The following SCLT1 variants were observed in gnomAD, a reference collection of about 807,000 sequenced individuals.
SCLT1 encodes the protein sodium channel-associated protein 1.
In SCLT1, 78 loss-of-function variants were observed where a neutral mutation model predicts 112.8. The observed-to-expected ratio is 0.69, with a 90% confidence interval of 0.58 to 0.83. The LOEUF is 0.83. SCLT1 is among the 40% of genes least tolerant of loss of function. SCLT1 has a pLI of 0.00. For missense variants in SCLT1, 747 were observed against 770.4 expected, an observed-to-expected ratio of 0.97 and a Z score of 0.36; for synonymous variants, 257 against 254.7, an observed-to-expected ratio of 1.01 and a Z score of -0.09.
intron 20 of SCLT1, among the ~76,000 whole-genome samples, chr4:128,885,958 G>A (rs537990693): frequency 6.6e-6 from 1 of 151,498 alleles, no homozygotes; most frequent in South Asian, 2.1e-4. Flanking sequence ...CCGGACTGTG[G>A]CATTTTTTGA....
chr4:128,964,589 T>C (rs546856802), intron 11 of SCLT1, among the ~76,000 whole-genome samples: 2 of 152,308 alleles, frequency 1.3e-5, no homozygotes, highest in Admixed American at 1.3e-4. Context: ...ATCCTTTTTG[T>C]AGGATTTATG....
At chr4:128,961,187 A>C (rs1437315192) in intron 11 of SCLT1, among the ~76,000 whole-genome samples, 1 of 151,926 alleles carries the variant, frequency 6.6e-6, no homozygotes, top group Non-Finnish European at 1.5e-5. Flanking sequence ...ATTTCCTCCA[A>C]ATATTTCCAT....
intron 5 of SCLT1, among the ~76,000 whole-genome samples, chr4:129,025,715 C>T (rs1240244892): frequency 7.9e-5 from 12 of 151,944 alleles, no homozygotes; most frequent in Non-Finnish European, 7.4e-5. Flanking sequence ...ACTTTAAATG[C>T]AAATGGACTA....
At chr4:128,935,808 C>T (rs1328073474) in intron 18 of SCLT1, among the ~76,000 whole-genome samples, 1 of 152,114 alleles carries the variant, frequency 6.6e-6, no homozygotes. Flanking sequence ...GTTTCCATCT[C>T]TCTATCCTCT....
intron 1 of SCLT1, among the ~76,000 whole-genome samples, chr4:129,091,751 G>A (rs1230298246): frequency 6.6e-6 from 1 of 152,088 alleles, no homozygotes; most frequent in African/African-American, 2.4e-5. Context: ...AACTTCAAGA[G>A]GATTCTTGTG....
intron 8 of SCLT1, 106 bp from the exon 9 acceptor site, chr4:128,992,343 G>T (rs1447488355): frequency 4.4e-6 from 3 of 674,378 alleles, no homozygotes; most frequent in South Asian, 2.1e-5. Context: ...TGAGATTTAT[G>T]ATAAAGATTA....
Position 128,949,858 on chromosome 4 carries a change from T to C in SCLT1, c.1219-1288A>G, listed in dbSNP as rs536007647. Among the ~76,000 whole-genome samples the C allele has an allele frequency of 6.6e-5, 10 of 151,388 alleles. No individual in the cohort carries two copies. In the South Asian group the frequency reaches 1.3e-3, roughly 19 times the overall value. On this transcript the variant is annotated intron_variant, in intron 14 of 20. Transcript: ENST00000281142. ...GGCTTTTTTTCCTCTTTTTTTTTTTTCCCCTAATTGTGAATCATGCTTTGG... is the reference window on the plus strand; with the variant it reads ...GGCTTTTTTTCCTCTTTTTTTTTTTCCCCCTAATTGTGAATCATGCTTTGG...
chr4:128,935,813 T>C (rs1471961132), intron 18 of SCLT1, among the ~76,000 whole-genome samples: 2 of 152,154 alleles, frequency 1.3e-5, no homozygotes, highest in Middle Eastern at 3.2e-3. Flanking sequence ...CATCTCTCTA[T>C]CCTCTTTTTC....
intron 2 of SCLT1, among the ~76,000 whole-genome samples, chr4:129,069,212 C>T (rs907037848): frequency 1.3e-5 from 2 of 152,142 alleles, no homozygotes; most frequent in Admixed American, 6.5e-5. Context: ...TAGTATGATG[C>T]CTCCAGATTT....
chr4:128,920,544 G>A (rs1315648906), intron 18 of SCLT1, among the ~76,000 whole-genome samples: 2 of 152,182 alleles, frequency 1.3e-5, no homozygotes, highest in Non-Finnish European at 2.9e-5. Context: ...TGCCTGCCTC[G>A]GCCTCCTAAA....
chr4:129,006,009 A>C, intron 5 of SCLT1, among the ~76,000 whole-genome samples: 1 of 106,502 alleles, frequency 9.4e-6, no homozygotes, highest in Non-Finnish European at 1.8e-5. Flanking sequence ...CACTCTGGGG[A>C]CTGTTGTGGG....
At chr4:128,999,488 T>C (rs1240812858) in intron 7 of SCLT1, among the ~76,000 whole-genome samples, 184 bp downstream of exon 7, 1 of 151,996 alleles carries the variant, frequency 6.6e-6, no homozygotes, top group East Asian at 1.9e-4. Context: ...TGTCCAGTTC[T>C]CTAATTAGTT....
chr4:128,877,027 G>A (rs1732537883), intron 3 of SCLT1, among the ~76,000 whole-genome samples: 2 of 152,150 alleles, frequency 1.3e-5, no homozygotes, highest in African/African-American at 4.8e-5. Context: ...CTTAACACAA[G>A]TCTTGCTGAA....
intron 2 of SCLT1, among the ~76,000 whole-genome samples, chr4:129,057,698 T>C (rs184566639): frequency 5.4e-4 from 82 of 152,096 alleles, no homozygotes; most frequent in East Asian, 1.7e-3. Context: ...TTCTAATTTA[T>C]TGACATATAA....
At chr4:129,047,344 G>A (rs1244306067) in intron 2 of SCLT1, among the ~76,000 whole-genome samples, 1 of 151,994 alleles carries the variant, frequency 6.6e-6, no homozygotes, top group Admixed American at 6.6e-5. Flanking sequence ...TCTGGTATGT[G>A]TAGAGCTATT....
At chr4:128,973,730 T>G (rs1309670154) in intron 9 of SCLT1, among the ~76,000 whole-genome samples, 1 of 152,164 alleles carries the variant, frequency 6.6e-6, no homozygotes, top group East Asian at 1.9e-4. Flanking sequence ...GCACTGGACT[T>G]AGACCTAATT....
chr4:128,945,813 CT>C (rs1307922345), intron 16 of SCLT1, among the ~76,000 whole-genome samples, 193 bp downstream of exon 16: 1 of 152,036 alleles, frequency 6.6e-6, no homozygotes, highest in African/African-American at 2.4e-5. Context: ...TGGTATGCTA[CT>C]GTTAAATCTT....
In SCLT1 at chr4:128,946,049, C is replaced by G; in HGVS notation, c.1397G>C (p.Arg466Thr). ...SERSKDDLQL[R>T]LTRAENRIKQ... ...TATTCTATTTTCTGCTCTCGTAAGT[C>G]TTAGCTGAAGATCATCTTTTGAACG... The change falls in exon 16 of 21, where the codon AGA becomes ACA. Residue 466 changes from arginine to threonine, a missense_variant. Physicochemically the swap from Arg to Thr is moderately conservative, Grantham distance 71 (BLOSUM62 -1). Around this residue, in one of 2 missense-constraint regions of SCLT1, gnomAD observed 723 missense variants for 721.3 expected, o/e 1.00. Coordinates refer to ENST00000281142, the MANE Select transcript of SCLT1 (RefSeq NM_144643.4). 6.2e-7 allele frequency: 1 copy of G among 1,611,844 alleles called. No homozygotes were observed. The highest frequency in any genetic ancestry group is 1.7e-5 in the Admixed American group (1 of 59,908).
intron 18 of SCLT1, 65 bp from the exon 19 acceptor site, chr4:128,891,202 G>T: frequency 8.3e-7 from 1 of 1,206,658 alleles, no homozygotes; most frequent in Non-Finnish European, 1.2e-6. Flanking sequence ...ATCTTTATTA[G>T]CAAGATACAT....
Sources: allele counts gnomAD v4.1 joint callset (sites outside exome capture counted in the v4.1 genomes callset), GRCh38; gene constraint gnomAD v4.1.1; regional missense constraint gnomAD v4.1.1; transcripts MANE v1.5; gene names NCBI Gene and HGNC (gene_info 2026-07-23, HGNC 2026-07-21).